The following KLHL28 variants were observed in gnomAD, a reference collection of about 807,000 sequenced individuals.
The protein encoded by KLHL28 is kelch-like protein 28.
Under a neutral mutation model 48.3 loss-of-function variants are expected in KLHL28, and 22 were observed. The ratio of observed to expected loss-of-function variants is 0.46; its 90% CI spans 0.33 to 0.65. The LOEUF is 0.65. KLHL28 is among the 30% of genes least tolerant of loss of function. KLHL28 has a pLI of 0.03. For synonymous variants in KLHL28, 243 were observed against 242.4 expected, an observed-to-expected ratio of 1.00 and a Z score of -0.02; for missense variants, 527 against 704.3, an observed-to-expected ratio of 0.75 and a Z score of 2.85.
At position 44,929,097 on chromosome 14, in the gene KLHL28, G is replaced by C. The variant is rs748267673; in HGVS notation, c.1647C>G (p.Ile549Met). ...CAGCTGAATCCAGCCACGTATCTGA[G>C]ATAGGATCATATTTCTGCACTGTAT... ...YLNTVQKYDP[I>M]SDTWLDSAGM... Residue 549 changes from isoleucine to methionine, a missense_variant, in exon 5 of 5, where the codon ATC (isoleucine) becomes ATG (methionine). By Grantham distance (10) the Ile-to-Met change is conservative. Transcript: ENST00000396128. 6.2e-7 allele frequency: 1 copy of C among 1,613,880 alleles called. No homozygotes were observed. The highest frequency in any genetic ancestry group is 8.5e-7 in the Non-Finnish European group (1 of 1,179,932).
chr14:44,925,882 A>AG lies in KLHL28; in HGVS notation c.*3145dup, dbSNP rs1176323581. On this transcript the variant is annotated 3_prime_UTR_variant, in exon 5 of 5. Transcript: ENST00000396128. ...ATAGCCAAAGGTGCCTAACAGATTA[A>AG]GTTGTTATAATTATAGAAGGCAAGT... The AG allele has an allele frequency of 2.6e-5, 4 of 152,220 alleles. No individual in the cohort carries two copies. The highest frequency in any genetic ancestry group is 5.9e-5 in the Non-Finnish European group (4 of 68,014). 9.4% of individuals were successfully genotyped at this position (152,220 alleles called of 1,614,324 possible).
chr14:44,937,047 T>C (rs915948640), intron 2 of KLHL28, among the ~76,000 whole-genome samples: 5 of 149,550 alleles, frequency 3.3e-5, no homozygotes, highest in African/African-American at 1.3e-4. Flanking sequence ...GGCTGGCATC[T>C]GAAGTAGGAA....
At chr14:44,950,551 A>G (rs1188265293) in intron 1 of KLHL28, among the ~76,000 whole-genome samples, 1 of 152,192 alleles carries the variant, frequency 6.6e-6, no homozygotes, top group Non-Finnish European at 1.5e-5. Flanking sequence ...GTACACACAC[A>G]ACACATAAAT....
At chr14:44,952,225 T>A (rs551659149) in intron 1 of KLHL28, among the ~76,000 whole-genome samples, 12 of 152,254 alleles carry the variant, frequency 7.9e-5, no homozygotes, top group Non-Finnish European at 1.5e-4. Flanking sequence ...TTTAGAAAAA[T>A]GCACAGAATT....
rs112362273 is a variant in KLHL28, at chr14:44,934,619, A to T, written c.900-61T>A. The T allele has an allele frequency of 1.5e-4, 193 of 1,260,224 alleles. 5 individuals carry two copies. The African/African-American group carries it at 2.2e-3, about 14-fold the overall frequency. The allele number at this position is 1,260,224 out of a possible 1,614,324, so 78.1% of individuals were successfully genotyped here. A position where few individuals can be genotyped will look rare whatever the true frequency, so the allele number is the denominator to read the frequency against. On this transcript the variant is annotated intron_variant, in intron 2 of 4. Coordinates refer to ENST00000396128, the MANE Select transcript of KLHL28 (RefSeq NM_017658.5). ...ACCAAAGTGGCCCATAAAGACAGATATGTTTAATCTTATTAGTAATCAGGG... is the reference window on the plus strand; with the variant it reads ...ACCAAAGTGGCCCATAAAGACAGATTTGTTTAATCTTATTAGTAATCAGGG...
intron 2 of KLHL28, among the ~76,000 whole-genome samples, chr14:44,937,010 T>C (rs1883853256): frequency 6.6e-6 from 1 of 152,180 alleles, no homozygotes. Flanking sequence ...GATTTTTGAA[T>C]GTGTTGAAGT....
chr14:44,934,864 T>TA (rs1422068285), intron 2 of KLHL28, among the ~76,000 whole-genome samples: 6 of 152,198 alleles, frequency 3.9e-5, no homozygotes, highest in Admixed American at 3.3e-4. Flanking sequence ...CCTATATATC[T>TA]ACTCTTCTGA....
At chr14:44,946,523 G>C (rs1884342242) in intron 1 of KLHL28, among the ~76,000 whole-genome samples, 1 of 145,486 alleles carries the variant, frequency 6.9e-6, no homozygotes, top group Admixed American at 6.9e-5. Context: ...CTCACTTACT[G>C]ATCTATATAT....
intron 1 of KLHL28, chr14:44,959,286 A>G (rs1884933437): frequency 6.6e-6 from 1 of 152,160 alleles, no homozygotes. Context: ...AATGTAGAAG[A>G]TGTAACCTCA....
chr14:44,931,255 C>A, intron 4 of KLHL28, 78 bp downstream of exon 4: 16 of 798,616 alleles, frequency 2.0e-5, no homozygotes, highest in East Asian at 8.8e-5. Flanking sequence ...CTGCTATATT[C>A]CAAGGAACTA....
intron 1 of KLHL28, chr14:44,959,419 T>A (rs897427855): frequency 1.3e-5 from 2 of 152,122 alleles, no homozygotes; most frequent in Non-Finnish European, 2.9e-5. Flanking sequence ...ATAGCAACTT[T>A]CATTTGCATA....
At chr14:44,943,456 G>C (rs1884186275) in intron 2 of KLHL28, among the ~76,000 whole-genome samples, 3 of 152,114 alleles carry the variant, frequency 2.0e-5, no homozygotes, top group Admixed American at 2.0e-4. Context: ...TCAGGAGTTT[G>C]AGATCGGCCT....
At chr14:44,942,002 T>C (rs144227970) in intron 2 of KLHL28, among the ~76,000 whole-genome samples, 28 of 152,348 alleles carry the variant, frequency 1.8e-4, no homozygotes, top group Admixed American at 5.9e-4. Context: ...CTCTAAACTA[T>C]ACTATATGCT....
At position 44,945,937 on chromosome 14, in the gene KLHL28, A is replaced by G. The variant is rs1421985345; in HGVS notation, c.1-9T>C. 1 of 1,603,882 alleles carries G rather than the reference A, an allele frequency of 6.2e-7. No individual in the cohort carries two copies. Among genetic ancestry groups the G allele is most frequent in the Non-Finnish European group, 8.5e-7 (1 of 1,172,682 alleles). On this transcript the variant is annotated splice_polypyrimidine_tract_variant and intron_variant, in intron 1 of 4. Transcript: ENST00000396128. Reference sequence around the variant, plus strand: ...GGGGATGTGTGGTCCATCTACAGAAAAATAAAAAAGCATAGACAGTTATTT... The same window carrying G: ...GGGGATGTGTGGTCCATCTACAGAAGAATAAAAAAGCATAGACAGTTATTT...
intron 1 of KLHL28, among the ~76,000 whole-genome samples, chr14:44,957,252 AATAGATGTTC>A (rs1884831434): frequency 6.6e-6 from 1 of 152,244 alleles, no homozygotes; most frequent in South Asian, 2.1e-4. Context: ...GTGATAGGTA[AATAGATGTTC>A]ATCATATTGT....
At chr14:44,956,007 G>A (rs988234856) in intron 1 of KLHL28, among the ~76,000 whole-genome samples, 13 of 152,140 alleles carry the variant, frequency 8.5e-5, no homozygotes, top group Non-Finnish European at 1.3e-4. Flanking sequence ...GGTCAACACC[G>A]GACGATGCTA....
intron 2 of KLHL28, among the ~76,000 whole-genome samples, 194 bp from the exon 3 acceptor site, chr14:44,934,752 T>A (rs2138592070): frequency 6.6e-6 from 1 of 152,338 alleles, no homozygotes; most frequent in Middle Eastern, 3.4e-3. Context: ...AAATGCATAC[T>A]CCGTTGGTGA....
intron 2 of KLHL28, among the ~76,000 whole-genome samples, chr14:44,935,720 G>A (rs990064443): frequency 6.6e-6 from 1 of 151,206 alleles, no homozygotes; most frequent in African/African-American, 2.4e-5. Flanking sequence ...TACTTCTGGA[G>A]GAAGGGAGAT....
intron 2 of KLHL28, 45 bp from the exon 3 acceptor site, chr14:44,934,603 GC>G (rs1295102446): frequency 7.2e-6 from 10 of 1,395,824 alleles, no homozygotes; most frequent in Non-Finnish European, 8.7e-6. Context: ...AACCAAAGTG[GC>G]CCATAAAGAC....
Sources: gnomAD v4.1 joint callset for allele counts (sites outside exome capture counted in the v4.1 genomes callset) on GRCh38, gnomAD v4.1.1 for gene constraint, MANE v1.5 for transcripts, NCBI Gene and HGNC (gene_info 2026-07-23, HGNC 2026-07-21) for gene names.